Variants in FBXO16 observed in about 807,000 individuals in gnomAD.
The protein encoded by FBXO16 is F-box only protein 16.
FBXO16 carries 31 observed loss-of-function variants against 41.0 expected under a neutral mutation model. That is an observed-to-expected ratio of 0.76 (90% CI 0.57 to 1.02). The LOEUF (loss-of-function observed/expected upper bound fraction) is 1.02. Among genes scored for constraint, FBXO16 ranks in the 50% least tolerant of loss-of-function variants. The probability of loss-of-function intolerance (pLI) is 0.00; values close to 1 mark genes in which losing one functional copy is unlikely to be tolerated. For missense variants in FBXO16, 361 were observed against 346.2 expected (o/e 1.04, Z -0.34); for synonymous variants, 133 against 117.8 (o/e 1.13, Z -0.84).
chr8:28,465,230 T>C (rs1455257707), intron 3 of FBXO16: 1 of 161,568 alleles, frequency 6.2e-6, no homozygotes, highest in Non-Finnish European at 1.4e-5. Flanking sequence ...TTATTAGCGA[T>C]TCATGAATCA....
At chr8:28,433,839 G>A (rs144524173) in intron 7 of FBXO16, among the ~76,000 whole-genome samples, 2 of 152,296 alleles carry the variant, frequency 1.3e-5, no homozygotes, top group Admixed American at 6.5e-5. Flanking sequence ...GGCTATTGAG[G>A]GTGAGGGGCC....
chr8:28,470,476 A>G (rs1289967658), intron 3 of FBXO16, among the ~76,000 whole-genome samples: 2 of 152,246 alleles, frequency 1.3e-5, no homozygotes, highest in African/African-American at 4.8e-5. Flanking sequence ...ACATAAATAG[A>G]GGTTCAAAGC....
intron 2 of FBXO16, among the ~76,000 whole-genome samples, chr8:28,480,602 C>T (rs1329062427): frequency 6.6e-6 from 1 of 151,938 alleles, no homozygotes; most frequent in Non-Finnish European, 1.5e-5. Flanking sequence ...CTCCTGGGTT[C>T]AAGTGATTCT....
At chr8:28,479,680 C>T (rs1479294908) in intron 2 of FBXO16, among the ~76,000 whole-genome samples, 1 of 152,074 alleles carries the variant, frequency 6.6e-6, no homozygotes, top group African/African-American at 2.4e-5. Context: ...CAAACAGGTG[C>T]TCAGTAAATT....
At chr8:28,468,728 G>A (rs1803284198) in intron 3 of FBXO16, among the ~76,000 whole-genome samples, 2 of 151,584 alleles carry the variant, frequency 1.3e-5, no homozygotes, top group African/African-American at 4.8e-5. Context: ...TATGCCTGTA[G>A]TCCCAGCTAC....
chr8:28,458,541 CTTCTTTT>C (rs1803073253), intron 4 of FBXO16, among the ~76,000 whole-genome samples: 1 of 121,050 alleles, frequency 8.3e-6, no homozygotes, highest in African/African-American at 3.2e-5. Flanking sequence ...TCTTCTTCTT[CTTCTTTT>C]TTTTTTTTTT....
chr8:28,443,628 T>C (rs1802815167), intron 7 of FBXO16, among the ~76,000 whole-genome samples: 1 of 152,102 alleles, frequency 6.6e-6, no homozygotes, highest in Non-Finnish European at 1.5e-5. Flanking sequence ...CCATCTTGAA[T>C]AGGAGCTGGG....
At chr8:28,477,185 G>A (rs1189601238) in intron 2 of FBXO16, among the ~76,000 whole-genome samples, 1 of 151,756 alleles carries the variant, frequency 6.6e-6, no homozygotes, top group African/African-American at 2.4e-5. Flanking sequence ...TTAAAATCCT[G>A]TGACTCTTAT....
At chr8:28,456,143 A>T (rs1252796342) in intron 5 of FBXO16, among the ~76,000 whole-genome samples, 4 of 152,190 alleles carry the variant, frequency 2.6e-5, no homozygotes, top group Non-Finnish European at 5.9e-5. Flanking sequence ...TTATCTCATT[A>T]GCTGGGACTA....
chr8:28,454,893 T>C (rs976069039), intron 5 of FBXO16, among the ~76,000 whole-genome samples: 1 of 150,652 alleles, frequency 6.6e-6, no homozygotes, highest in Non-Finnish European at 1.5e-5. Flanking sequence ...TTCCTAATCA[T>C]GAATAGATGT....
intron 6 of FBXO16, among the ~76,000 whole-genome samples, chr8:28,449,315 C>CTTTTT (rs59021779): frequency 2.0e-4 from 19 of 94,840 alleles, no homozygotes; most frequent in African/African-American, 7.3e-4. Context: ...ATGTAGACTT[C>CTTTTT]TTTTTTTTTT....
At chr8:28,471,883 G>A (rs935942202) in intron 3 of FBXO16, among the ~76,000 whole-genome samples, 2 of 145,994 alleles carry the variant, frequency 1.4e-5, no homozygotes, top group Non-Finnish European at 1.5e-5. Context: ...TTGAGACTTT[G>A]TGTCCCTCCT....
chr8:28,428,697 G>C lies in FBXO16; in HGVS notation c.*30C>G. 3 of 1,574,716 alleles carry C rather than the reference G, an allele frequency of 1.9e-6. No individual in the cohort carries two copies. Among genetic ancestry groups the C allele is most frequent in the Non-Finnish European group, 2.6e-6 (3 of 1,162,174 alleles). ...GACTCAGGGGGAGGCCAGGCGAGATGAGCTGGAACTTTTAGGGGAGAGCTG... is the reference window on the plus strand; with the variant it reads ...GACTCAGGGGGAGGCCAGGCGAGATCAGCTGGAACTTTTAGGGGAGAGCTG... On this transcript the variant is annotated 3_prime_UTR_variant, in exon 9 of 9. Transcript: ENST00000380254.
At position 28,461,036 on chromosome 8, in the gene FBXO16, T is replaced by A. The variant is rs373045349; in HGVS notation, c.342+2576A>T. Among the ~76,000 whole-genome samples, 16 of 151,880 alleles carry A rather than the reference T, an allele frequency of 1.1e-4. No homozygotes were observed. In the East Asian group the frequency reaches 2.7e-3, roughly 26 times the overall value. ...AGGCAAGCCACTGTGCCTGGCCGTA[T>A]ATATTCTTTATTCTTTATAAGATGG... On this transcript the variant is annotated intron_variant, in intron 4 of 8. Coordinates refer to ENST00000380254, the MANE Select transcript of FBXO16 (RefSeq NM_172366.4).
intron 2 of FBXO16, among the ~76,000 whole-genome samples, chr8:28,478,713 C>T (rs145090809): frequency 0.031 from 4,759 of 151,362 alleles, 261 homozygotes; most frequent in African/African-American, 0.11. Flanking sequence ...ATCCCAGCTA[C>T]TCAGGAGGCT....
At chr8:28,448,765 A>G (rs1802905750) in intron 6 of FBXO16, among the ~76,000 whole-genome samples, 1 of 152,208 alleles carries the variant, frequency 6.6e-6, no homozygotes, top group Non-Finnish European at 1.5e-5. Flanking sequence ...GGATCCTCCA[A>G]CCACAGTCAC....
chr8:28,449,982 A>C (rs1222040792), intron 6 of FBXO16, among the ~76,000 whole-genome samples: 2 of 144,578 alleles, frequency 1.4e-5, no homozygotes, highest in Non-Finnish European at 3.1e-5. Flanking sequence ...AAAAAAAAGA[A>C]AAAAAAAAAA....
At chr8:28,440,476 G>C (rs1802753773) in intron 7 of FBXO16, among the ~76,000 whole-genome samples, 1 of 152,142 alleles carries the variant, frequency 6.6e-6, no homozygotes. Context: ...GTTGAAACTA[G>C]AACTGGGGTT....
At chr8:28,444,891 A>C (rs1802839619) in intron 7 of FBXO16, among the ~76,000 whole-genome samples, 1 of 140,288 alleles carries the variant, frequency 7.1e-6, no homozygotes, top group Admixed American at 7.9e-5. Flanking sequence ...TCGGCCTCCC[A>C]AAGTGCTGGG....
Sources: gnomAD v4.1 joint callset for allele counts (sites outside exome capture counted in the v4.1 genomes callset) on GRCh38, gnomAD v4.1.1 for gene constraint, MANE v1.5 for transcripts, NCBI Gene and HGNC (gene_info 2026-07-23, HGNC 2026-07-21) for gene names.